The following TSPAN12 variants were observed in gnomAD, a reference collection of about 807,000 sequenced individuals.
TSPAN12 encodes the protein tetraspanin 12.
Under a neutral mutation model 39.2 loss-of-function variants are expected in TSPAN12, and 19 were observed. The observed-to-expected ratio is 0.49, with a 90% CI of 0.34 to 0.71. The LOEUF (loss-of-function observed/expected upper bound fraction) is 0.71. Ranked by LOEUF, TSPAN12 falls within the 30% of genes least tolerant of loss-of-function variation. The probability of loss-of-function intolerance (pLI) is 0.01; values close to 1 mark genes in which losing one functional copy is unlikely to be tolerated. For missense variants in TSPAN12, 314 were observed against 359.9 expected (o/e 0.87, Z 1.03); for synonymous variants, 119 against 124.8 (o/e 0.95, Z 0.31).
intron 4 of TSPAN12, among the ~76,000 whole-genome samples, chr7:120,837,815 C>A (rs1794507335): frequency 6.6e-6 from 1 of 152,174 alleles, no homozygotes; most frequent in Non-Finnish European, 1.5e-5. Flanking sequence ...GCTCCTTGAG[C>A]CAATTTGTAC....
chr7:120,855,887 CA>C (rs1562956178), intron 2 of TSPAN12, among the ~76,000 whole-genome samples: 2 of 151,880 alleles, frequency 1.3e-5, no homozygotes, highest in African/African-American at 2.4e-5. Flanking sequence ...TAATAGAACA[CA>C]AAAAAATGGA....
chr7:120,839,649 CATT>C (rs1485775040), intron 3 of TSPAN12, among the ~76,000 whole-genome samples: 1 of 152,046 alleles, frequency 6.6e-6, no homozygotes, highest in Non-Finnish European at 1.5e-5. Context: ...AAAAAAAAAT[CATT>C]GTGGTGTATG....
intron 4 of TSPAN12, among the ~76,000 whole-genome samples, chr7:120,837,135 A>C (rs1794492120): frequency 6.6e-6 from 1 of 152,206 alleles, no homozygotes; most frequent in African/African-American, 2.4e-5. Flanking sequence ...AAATTATAGA[A>C]GGTTCATGTA....
intron 5 of TSPAN12, among the ~76,000 whole-genome samples, chr7:120,812,672 T>C (rs1330101699): frequency 6.6e-6 from 1 of 152,122 alleles, no homozygotes; most frequent in East Asian, 1.9e-4. Context: ...AATAATGGGC[T>C]AAACGGGTGT....
At chr7:120,794,224 T>C (rs973944815) in intron 7 of TSPAN12, among the ~76,000 whole-genome samples, 1 of 152,210 alleles carries the variant, frequency 6.6e-6, no homozygotes, top group Non-Finnish European at 1.5e-5. Flanking sequence ...CACAAATTTC[T>C]CTATAGTACA....
At chr7:120,856,913 C>T in intron 1 of TSPAN12, 80 bp from the exon 2 acceptor site, 1 of 813,478 alleles carries the variant, frequency 1.2e-6, no homozygotes, top group Non-Finnish European at 2.1e-6. Context: ...CCTCCACCCG[C>T]CCTCAGCAGG....
chr7:120,801,517 A>G (rs1352504965), intron 7 of TSPAN12, among the ~76,000 whole-genome samples: 1 of 152,226 alleles, frequency 6.6e-6, no homozygotes, highest in South Asian at 2.1e-4. Flanking sequence ...CAGCCCTTAC[A>G]TAAATCTGTG....
At chr7:120,823,744 T>C (rs1335972818) in intron 4 of TSPAN12, among the ~76,000 whole-genome samples, 1 of 152,188 alleles carries the variant, frequency 6.6e-6, no homozygotes, top group Non-Finnish European at 1.5e-5. Context: ...CAAACAAAAT[T>C]GAAAGCAATT....
intron 7 of TSPAN12, among the ~76,000 whole-genome samples, chr7:120,801,507 C>T (rs551313464): frequency 2.9e-4 from 44 of 152,284 alleles, no homozygotes; most frequent in African/African-American, 1.1e-3. Context: ...TGTCTGTGTC[C>T]AGCCCTTACA....
chr7:120,850,860 T>C (rs1281952537), intron 2 of TSPAN12, among the ~76,000 whole-genome samples: 1 of 151,996 alleles, frequency 6.6e-6, no homozygotes, highest in Non-Finnish European at 1.5e-5. Context: ...CAGCTTATTT[T>C]TGTATTTTTA....
chr7:120,796,654 T>C (rs1298753868), intron 7 of TSPAN12, among the ~76,000 whole-genome samples: 1 of 152,178 alleles, frequency 6.6e-6, no homozygotes, highest in East Asian at 1.9e-4. Context: ...TCTCAAAATT[T>C]TAGTATCTCT....
At chr7:120,810,655 C>CAT (rs71170214) in intron 5 of TSPAN12, 85 bp from the exon 6 acceptor site, 9 of 776,562 alleles carry the variant, frequency 1.2e-5, no homozygotes, top group East Asian at 2.5e-5. Context: ...CACACACACA[C>CAT]GTACACACGC....
At chr7:120,853,745 A>G (rs1208547438) in intron 2 of TSPAN12, among the ~76,000 whole-genome samples, 1 of 150,806 alleles carries the variant, frequency 6.6e-6, no homozygotes, top group Non-Finnish European at 1.5e-5. Flanking sequence ...ATGGTGGTGC[A>G]CACCTGTAGT....
intron 7 of TSPAN12, among the ~76,000 whole-genome samples, chr7:120,805,241 T>C (rs2116343389): frequency 6.6e-6 from 1 of 152,264 alleles, no homozygotes; most frequent in South Asian, 2.1e-4. Flanking sequence ...TACTCATATC[T>C]ATGAATATAA....
At position 120,811,715 on chromosome 7, in the gene TSPAN12, T is replaced by C. The variant is rs1793986163; in HGVS notation, c.361-1145A>G. ...AAAATATATATACCATGGAATACTA[T>C]TCAGCCATAAAAAGGAAAAAATAAT... On this transcript the variant is annotated intron_variant, in intron 5 of 7. Coordinates refer to ENST00000222747, the MANE Select transcript of TSPAN12 (RefSeq NM_012338.4). Among the ~76,000 whole-genome samples, 7 of 151,556 alleles carry C rather than the reference T, an allele frequency of 4.6e-5. No individual in the cohort carries two copies. In the South Asian group the frequency reaches 1.5e-3, roughly 32 times the overall value.
At chr7:120,791,623 G>A (rs1282088542) in intron 7 of TSPAN12, among the ~76,000 whole-genome samples, 1 of 152,176 alleles carries the variant, frequency 6.6e-6, no homozygotes, top group Non-Finnish European at 1.5e-5. Flanking sequence ...CTAAGAAACT[G>A]TGCCAGAAAA....
intron 2 of TSPAN12, among the ~76,000 whole-genome samples, chr7:120,853,522 A>T (rs1257985171): frequency 6.7e-6 from 1 of 148,802 alleles, no homozygotes; most frequent in Non-Finnish European, 1.5e-5. Context: ...TTAGACATAT[A>T]TTTATATTTA....
intron 4 of TSPAN12, among the ~76,000 whole-genome samples, chr7:120,820,301 C>A (rs1794164917): frequency 1.3e-5 from 2 of 152,140 alleles, no homozygotes; most frequent in Non-Finnish European, 2.9e-5. Context: ...GCTTATCTGC[C>A]TGATAAAGAT....
intron 4 of TSPAN12, among the ~76,000 whole-genome samples, chr7:120,835,971 A>G (rs1446405086): frequency 6.6e-6 from 1 of 152,162 alleles, no homozygotes; most frequent in East Asian, 1.9e-4. Flanking sequence ...ATGGCAGATC[A>G]AGTCTCCATT....
Sources: gnomAD v4.1 joint callset for allele counts (sites outside exome capture counted in the v4.1 genomes callset) on GRCh38, gnomAD v4.1.1 for gene constraint, MANE v1.5 for transcripts, NCBI Gene and HGNC (gene_info 2026-07-23, HGNC 2026-07-21) for gene names.